The following KIF7 variants were observed in gnomAD, a reference collection of about 807,000 sequenced individuals.
KIF7 encodes the protein kinesin family member 7.
In KIF7, 104 loss-of-function variants were observed where a neutral mutation model predicts 135.7. The observed-to-expected ratio is 0.77, with a 90% CI of 0.65 to 0.90. The LOEUF is 0.90. Ranked by LOEUF, KIF7 falls within the 40% of genes least tolerant of loss-of-function variation. KIF7 has a pLI of 0.00. For synonymous variants in KIF7, 883 were observed against 809.4 expected (o/e 1.09, Z -1.54); for missense variants, 2,005 against 1,839.1 (o/e 1.09, Z -1.65).
chr15:89,618,204 G>C, intron 1 of KIF7: 1 of 1,614,092 alleles, frequency 6.2e-7, no homozygotes, highest in Non-Finnish European at 8.5e-7. Flanking sequence ...CCCTGAAAAA[G>C]GAGATGGTGA....
At position 89,647,641 on chromosome 15, in the gene KIF7, G is replaced by C. The variant is rs377280724; in HGVS notation, c.1515C>G (p.Asp505Glu). 47 of 1,611,802 alleles carry C rather than the reference G, an allele frequency of 2.9e-5. No homozygotes were observed. The highest frequency in any genetic ancestry group is 6.7e-5 in the Admixed American group (4 of 59,996). The change falls in exon 6 of 19, where the codon GAC becomes GAG. Residue 505 changes from aspartate to glutamate, a missense_variant. Physicochemically the swap from Asp to Glu is conservative, Grantham distance 45. Coordinates refer to ENST00000394412, the MANE Select transcript of KIF7 (RefSeq NM_198525.3). ...TGGCGTCCTCCAGCGCAGCCAGAAA[G>C]TCTCGGTTCTCCTCCTCCAGCCGCG... ...QVARLEEENR[D>E]FLAALEDAME...
At chr15:89,621,662 C>G in intron 1 of KIF7, 1 of 865,356 alleles carries the variant, frequency 1.2e-6, no homozygotes, top group South Asian at 1.9e-5. Flanking sequence ...CTAGATAATA[C>G]TAGAGATTGG....
the KIF7 span, among the ~76,000 whole-genome samples, chr15:89,662,333 C>T: frequency 6.6e-5 from 10 of 152,100 alleles, no homozygotes; most frequent in Non-Finnish European, 1.3e-4. Context: ...CCCGTCTCTA[C>T]TAAAAATGTG....
At chr15:89,628,922 G>A in intron 18 of KIF7, 54 bp downstream of exon 18, 1 of 1,613,312 alleles carries the variant, frequency 6.2e-7, no homozygotes, top group Non-Finnish European at 8.5e-7. Flanking sequence ...TGGTCTCTAA[G>A]CTTTCCCCAA....
At chr15:89,628,856 G>A (rs1963598268) in intron 18 of KIF7, 70 bp from the exon 19 acceptor site, 3 of 1,610,954 alleles carry the variant, frequency 1.9e-6, no homozygotes, top group South Asian at 1.1e-5. Flanking sequence ...TAGCTCCCCA[G>A]TGCCCCAGCA....
chr15:89,622,617 C>G (rs1303193956), intron 1 of KIF7, among the ~76,000 whole-genome samples: 1 of 151,908 alleles, frequency 6.6e-6, no homozygotes, highest in Non-Finnish European at 1.5e-5. Context: ...GTCTGAAAAC[C>G]ATAGATCTAC....
chr15:89,641,232 G>A (rs929472282), intron 11 of KIF7, among the ~76,000 whole-genome samples: 1 of 152,018 alleles, frequency 6.6e-6, no homozygotes, highest in Admixed American at 6.6e-5. Context: ...CTACAAGCAG[G>A]GGAAAGGCCG....
intron 16 of KIF7, 123 bp from the exon 17 acceptor site, chr15:89,629,696 C>A: frequency 7.6e-7 from 1 of 1,318,964 alleles, no homozygotes; most frequent in South Asian, 1.4e-5. Context: ...CCAGGGTCTT[C>A]CCTGCTGAGC....
At position 89,649,506 on chromosome 15, in the gene KIF7, T is replaced by C. The variant is rs1010773598; in HGVS notation, c.530-139A>G. 7.2e-6 allele frequency: 8 copies of C among 1,109,664 alleles called. No individual in the cohort carries two copies. The Admixed American group carries it at 8.7e-5, about 12-fold the overall frequency. 68.7% of individuals were successfully genotyped at this position (1,109,664 alleles called of 1,614,324 possible). On this transcript the variant is annotated intron_variant, in intron 3 of 18. Coordinates refer to ENST00000394412, the MANE Select transcript of KIF7 (RefSeq NM_198525.3). ...TCCCCATGCCCACGGGGTACTGCCC[T>C]TCCTAGTTCCGGCTTGAGGGGCTCC...
At chr15:89,625,931 T>C, downstream of KIF7, 1 of 1,567,592 alleles carries the variant, frequency 6.4e-7, no homozygotes, top group Non-Finnish European at 8.6e-7. Flanking sequence ...GTGGGATCTC[T>C]TTAGGCTCCA....
At chr15:89,648,220 C>CCCAAAA in intron 5 of KIF7, 35 bp downstream of exon 5, 1 of 1,479,624 alleles carries the variant, frequency 6.8e-7, no homozygotes, top group Non-Finnish European at 9.0e-7. Context: ...CTCCCCACTG[C>CCCAAAA]CCACAACCAC....
chr15:89,625,936 G>T, downstream of KIF7: 1 of 1,570,476 alleles, frequency 6.4e-7, no homozygotes, highest in Non-Finnish European at 8.6e-7. Context: ...ATCTCTTTAG[G>T]CTCCACCCCA....
Position 89,628,077 on chromosome 15 carries a change from C to T in KIF7, c.*342G>A, listed in dbSNP as rs1007795358. ...ACCATTTAAACCACAACCTGGTTAC[C>T]ACCGACCCTTTCGTGATGATTCTTG... On this transcript the variant is annotated 3_prime_UTR_variant, in exon 19 of 19. Coordinates refer to ENST00000394412, the MANE Select transcript of KIF7 (RefSeq NM_198525.3). 2.0e-5 allele frequency: 5 copies of T among 249,416 alleles called. No homozygotes were observed. The highest frequency in any genetic ancestry group is 3.1e-5 in the Non-Finnish European group (4 of 131,082). 15.5% of individuals were successfully genotyped at this position (249,416 alleles called of 1,614,324 possible).
chr15:89,643,327 G>C (rs945326316), intron 10 of KIF7, among the ~76,000 whole-genome samples: 4 of 152,170 alleles, frequency 2.6e-5, no homozygotes, highest in Non-Finnish European at 5.9e-5. Context: ...ATTGTATTAG[G>C]TATTGTAAGA....
downstream of KIF7, chr15:89,624,518 C>A (rs1290430647): frequency 6.2e-7 from 1 of 1,614,090 alleles, no homozygotes; most frequent in East Asian, 2.2e-5. Flanking sequence ...CCTGATGCCT[C>A]CGCTACTCCT....
At position 89,628,254 on chromosome 15, in the gene KIF7, G is replaced by C. The variant is rs980696866; in HGVS notation, c.*165C>G. On this transcript the variant is annotated 3_prime_UTR_variant, in exon 19 of 19. Coordinates refer to ENST00000394412, the MANE Select transcript of KIF7 (RefSeq NM_198525.3). ...TATTATTTTGTTAAATGAGGGTCCA[G>C]TTCTTTTGGGCCATGGCCCAAATTT... 2 of 782,888 alleles carry C rather than the reference G, an allele frequency of 2.6e-6. No individual in the cohort carries two copies. Among genetic ancestry groups the C allele is most frequent in the Non-Finnish European group, 4.0e-6 (2 of 500,406 alleles). The allele number at this position is 782,888 out of a possible 1,614,324, so 48.5% of individuals were successfully genotyped here.
At chr15:89,625,119 T>G (rs1963495453), downstream of KIF7, 2 of 1,613,972 alleles carry the variant, frequency 1.2e-6, no homozygotes, top group East Asian at 4.5e-5. Flanking sequence ...GCTTCCTCCC[T>G]GCTCTCAGCA....
Position 89,652,957 on chromosome 15 carries a change from G to A in KIF7, c.-24-3C>T, listed in dbSNP as rs1387536556. 13 of 1,471,036 alleles carry A rather than the reference G, an allele frequency of 8.8e-6. No individual in the cohort carries two copies. In the South Asian group the frequency reaches 1.5e-4, roughly 17 times the overall value. 91.1% of individuals were successfully genotyped at this position (1,471,036 alleles called of 1,614,324 possible). A position where few individuals can be genotyped will look rare whatever the true frequency, so the allele number is the denominator to read the frequency against. ...CCGAGGGAGGACTGCTCTGGGCCCT[G>A]TGGAGAGAGAGAGAAGCCCTGGCCA... is the stretch of plus-strand genomic sequence containing the variant. On this transcript the variant is annotated splice_polypyrimidine_tract_variant and splice_region_variant and intron_variant, in intron 1 of 18. Coordinates refer to ENST00000394412, the MANE Select transcript of KIF7 (RefSeq NM_198525.3).
chr15:89,658,689 C>T (rs904337401), upstream of KIF7, among the ~76,000 whole-genome samples: 4 of 151,596 alleles, frequency 2.6e-5, no homozygotes, highest in African/African-American at 7.3e-5. Context: ...ACAGCGAAAC[C>T]CCATCTCTAC....
Sources: gnomAD v4.1 joint callset for allele counts (sites outside exome capture counted in the v4.1 genomes callset) on GRCh38, gnomAD v4.1.1 for gene constraint, MANE v1.5 for transcripts, NCBI Gene and HGNC (gene_info 2026-07-23, HGNC 2026-07-21) for gene names.